The following ERC2 variants were observed in gnomAD, a reference collection of about 807,000 sequenced individuals.
ERC2 encodes ELKS/RAB6-interacting/CAST family member 2.
Under a neutral mutation model 114.8 loss-of-function variants are expected in ERC2, and 42 were observed. The observed-to-expected ratio is 0.37, with a 90% CI of 0.29 to 0.47. The LOEUF (loss-of-function observed/expected upper bound fraction) is 0.47, where lower values mean the gene tolerates loss of function less well. Among genes scored for constraint, ERC2 ranks in the 20% least tolerant of loss-of-function variants. The pLI is 0.99. For synonymous variants in ERC2, 454 were observed against 425.5 expected (o/e 1.07, Z -0.82); for missense variants, 939 against 1,150.7 (o/e 0.82, Z 2.66).
intron 17 of ERC2, among the ~76,000 whole-genome samples, chr3:55,552,641 A>G (rs2055295060): frequency 7.0e-6 from 1 of 143,492 alleles, no homozygotes; most frequent in Non-Finnish European, 1.5e-5. Flanking sequence ...GAAAAAAGGA[A>G]AAAAAAAAAA....
intron 3 of ERC2, among the ~76,000 whole-genome samples, chr3:56,187,462 G>A (rs1474100766): frequency 6.6e-6 from 1 of 152,154 alleles, no homozygotes; most frequent in Non-Finnish European, 1.5e-5. Flanking sequence ...TTTGTTTTAG[G>A]TAAGTGGCTT....
At chr3:56,459,127 C>G (rs1214396434) in intron 1 of ERC2, among the ~76,000 whole-genome samples, 1 of 152,180 alleles carries the variant, frequency 6.6e-6, no homozygotes, top group Non-Finnish European at 1.5e-5. Flanking sequence ...TCAATCACCT[C>G]AGGCCCATAG....
At chr3:56,275,835 T>TG (rs1272619798) in intron 3 of ERC2, among the ~76,000 whole-genome samples, 23 of 152,154 alleles carry the variant, frequency 1.5e-4, no homozygotes, top group African/African-American at 5.5e-4. Flanking sequence ...TGACATGACT[T>TG]GGGGGAGTAA....
chr3:56,219,864 T>C (rs476126), intron 3 of ERC2, among the ~76,000 whole-genome samples: 1 of 152,126 alleles, frequency 6.6e-6, no homozygotes, highest in Non-Finnish European at 1.5e-5. Context: ...CCTGATAAGT[T>C]TGGGCAATTT....
intron 2 of ERC2, among the ~76,000 whole-genome samples, chr3:56,325,414 C>G (rs2057315630): frequency 6.6e-6 from 1 of 152,034 alleles, no homozygotes; most frequent in Non-Finnish European, 1.5e-5. Context: ...CCACTGCACT[C>G]CAGCCTGGGC....
intron 6 of ERC2, among the ~76,000 whole-genome samples, chr3:56,106,247 G>C (rs994886812): frequency 2.6e-5 from 4 of 152,296 alleles, no homozygotes; most frequent in Middle Eastern, 3.4e-3. Context: ...ACAGTGAAGA[G>C]AGCCAAGCTC....
chr3:55,864,172 TATATATATACACATATATATATACAC>T (rs1559783276), intron 14 of ERC2, among the ~76,000 whole-genome samples: 2 of 113,490 alleles, frequency 1.8e-5, no homozygotes, highest in Non-Finnish European at 3.6e-5. Flanking sequence ...TATATACACA[TATATATATACACATATATATATACAC>T]ATATATATAC....
At chr3:55,759,566 A>T (rs890401241) in intron 14 of ERC2, among the ~76,000 whole-genome samples, 2 of 152,012 alleles carry the variant, frequency 1.3e-5, no homozygotes, top group African/African-American at 4.8e-5. Flanking sequence ...ACGAAAGACT[A>T]AACAACAACA....
rs539308293 is a variant in ERC2 at position 56,355,079 on chromosome 3, C to T, written c.658-58644G>A. On this transcript the variant is annotated intron_variant, in intron 2 of 17. Transcript: ENST00000288221. The stretch of plus-strand genomic sequence containing the variant: ...CCCCTTAAACAAAGGCAAGGGCATG[C>T]AAATGAACTAGGGTCCAAAAATGAT... 1.6e-4 allele frequency among the ~76,000 whole-genome samples: 25 copies of T among 152,292 alleles called. No homozygotes were observed. In the South Asian group the frequency reaches 3.5e-3, roughly 21 times the overall value.
chr3:55,848,612 G>A (rs1425219589), intron 14 of ERC2, among the ~76,000 whole-genome samples: 1 of 152,098 alleles, frequency 6.6e-6, no homozygotes, highest in Non-Finnish European at 1.5e-5. Flanking sequence ...CTTGCTCCGA[G>A]GATGACTCAC....
At chr3:56,030,353 T>G (rs1421606600) in intron 7 of ERC2, among the ~76,000 whole-genome samples, 6 of 152,214 alleles carry the variant, frequency 3.9e-5, no homozygotes, top group South Asian at 4.1e-4. Flanking sequence ...ATTTTTCTAA[T>G]TTTCTACATT....
intron 3 of ERC2, among the ~76,000 whole-genome samples, chr3:56,214,696 T>C (rs1383515299): frequency 1.3e-5 from 2 of 151,972 alleles, no homozygotes; most frequent in Non-Finnish European, 2.9e-5. Flanking sequence ...AATTGTCAGA[T>C]TCACCAAAGT....
chr3:56,117,755 G>A (rs545471209), intron 6 of ERC2, among the ~76,000 whole-genome samples: 8 of 152,280 alleles, frequency 5.3e-5, no homozygotes, highest in South Asian at 2.1e-4. Flanking sequence ...AATCACATTC[G>A]ATGAGCACCT....
At chr3:56,110,067 C>T (rs1283049630) in intron 6 of ERC2, among the ~76,000 whole-genome samples, 4 of 152,200 alleles carry the variant, frequency 2.6e-5, no homozygotes, top group East Asian at 1.9e-4. Context: ...AGGCAAATCA[C>T]GGCGAAAATA....
At chr3:56,414,359 A>G (rs1049222931) in intron 2 of ERC2, among the ~76,000 whole-genome samples, 5 of 152,134 alleles carry the variant, frequency 3.3e-5, no homozygotes, top group Admixed American at 1.3e-4. Flanking sequence ...TATCCAAAAC[A>G]AGGCCCTTTC....
intron 2 of ERC2, among the ~76,000 whole-genome samples, chr3:56,335,472 G>A (rs1172264918): frequency 6.6e-6 from 1 of 152,182 alleles, no homozygotes; most frequent in Middle Eastern, 3.2e-3. Flanking sequence ...AAACTGGGGT[G>A]AGGGGTGAGT....
At chr3:55,877,836 T>C (rs1357253550) in intron 14 of ERC2, among the ~76,000 whole-genome samples, 1 of 152,150 alleles carries the variant, frequency 6.6e-6, no homozygotes, top group East Asian at 1.9e-4. Flanking sequence ...CTCTGTACTC[T>C]CGGCTCCTTA....
At chr3:55,964,457 C>CT (rs11384596) in intron 12 of ERC2, among the ~76,000 whole-genome samples, 130,498 of 149,150 alleles carry the variant, frequency 0.87, 57,180 homozygotes, top group East Asian at 0.98. Flanking sequence ...AAGCTACAAT[C>CT]TTTTTTTTTT....
At chr3:55,577,705 G>A (rs1212204603) in intron 17 of ERC2, among the ~76,000 whole-genome samples, 4 of 152,160 alleles carry the variant, frequency 2.6e-5, no homozygotes, top group African/African-American at 9.7e-5. Flanking sequence ...GCCTTGGAGA[G>A]GAACCTGCTA....
Sources: allele counts gnomAD v4.1 joint callset (sites outside exome capture counted in the v4.1 genomes callset), GRCh38; gene constraint gnomAD v4.1.1; transcripts MANE v1.5; gene names NCBI Gene and HGNC (gene_info 2026-07-23, HGNC 2026-07-21).